Variants in PREX2 observed in about 807,000 individuals in gnomAD.
PREX2 encodes phosphatidylinositol-3,4,5-trisphosphate dependent Rac exchange factor 2.
In PREX2, 107 loss-of-function variants were observed where a neutral mutation model predicts 203.2. The observed-to-expected ratio is 0.53, with a 90% confidence interval of 0.45 to 0.62. The LOEUF (loss-of-function observed/expected upper bound fraction) is 0.62. Ranked by LOEUF, PREX2 falls within the 20% of genes least tolerant of loss-of-function variation. The pLI is 0.00. For missense variants in PREX2, 1,777 were observed against 1,955.9 expected, an observed-to-expected ratio of 0.91 and a Z score of 1.72; for synonymous variants, 672 against 663.6, an observed-to-expected ratio of 1.01 and a Z score of -0.19.
At chr8:68,105,819 A>C in intron 23 of PREX2, 1 of 152,758 alleles carries the variant, frequency 6.5e-6, no homozygotes, top group Non-Finnish European at 1.4e-5. Context: ...TACTTTTTCT[A>C]TGTTCAGATA....
chr8:68,108,296 A>G lies in PREX2; in HGVS notation c.2903A>G (p.Asn968Ser), dbSNP rs377130096. The G allele has an allele frequency of 1.8e-5, 29 of 1,613,730 alleles. No individual in the cohort carries two copies. The African/African-American group carries it at 1.9e-4, about 10-fold the overall frequency. Residue 968 changes from asparagine (N) to serine (S), a missense_variant, in exon 24 of 40, where the codon AAT (asparagine) becomes AGT (serine). Asn to Ser is a conservative substitution (Grantham distance 46). Transcript: ENST00000288368. ...FGVQLDSRKH[N>S]SHDKENKSSE... ...GTTCAGTTGGATAGCAGGAAGCATA[A>G]TTCTCATGATAAAGAAAACAAATCT...
intron 35 of PREX2, among the ~76,000 whole-genome samples, chr8:68,159,693 A>G (rs1811614922): frequency 6.6e-6 from 1 of 152,218 alleles, no homozygotes; most frequent in Non-Finnish European, 1.5e-5. Flanking sequence ...GTCCACATCA[A>G]TTCCTCAAAG....
At chr8:68,119,407 GT>G (rs758312429) in intron 27 of PREX2, 24 bp from the exon 28 acceptor site, 2 of 1,578,270 alleles carry the variant, frequency 1.3e-6, no homozygotes, top group Admixed American at 1.7e-5. Flanking sequence ...TTGGTTTTTG[GT>G]TTTGTTTTTG....
Position 68,069,861 on chromosome 8 carries a change from T to A in PREX2, c.1470T>A (p.His490Gln), listed in dbSNP as rs374391319. The A allele has an allele frequency of 6.4e-7, 1 of 1,557,968 alleles. No homozygotes were observed. ...SKGVRLYCRL[H>Q]SLFTPVIRDK... Reference sequence around the variant, plus strand: ...GTGTAAGATTATATTGTCGTCTTCATAGCCTTTTTACTCCAGTGATAAGGT... The same window carrying A: ...GTGTAAGATTATATTGTCGTCTTCAAAGCCTTTTTACTCCAGTGATAAGGT... Residue 490 changes from histidine (H) to glutamine (Q), a missense_variant, in exon 13 of 40, where the codon CAT (histidine) becomes CAA (glutamine). His to Gln is a conservative substitution (Grantham distance 24). Coordinates refer to ENST00000288368, the MANE Select transcript of PREX2 (RefSeq NM_024870.4).
At chr8:68,105,417 T>A in intron 23 of PREX2, 1 of 1,271,934 alleles carries the variant, frequency 7.9e-7, no homozygotes, top group Non-Finnish European at 1.0e-6. Flanking sequence ...CAGCCCTTCC[T>A]AGCATGTGGG....
At chr8:67,984,635 A>C (rs1259979040) in intron 1 of PREX2, among the ~76,000 whole-genome samples, 1 of 152,218 alleles carries the variant, frequency 6.6e-6, no homozygotes, top group Non-Finnish European at 1.5e-5. Flanking sequence ...GTGGCAATTC[A>C]GTGCCAAAGA....
chr8:68,217,807 C>T, intron 38 of PREX2, 89 bp downstream of exon 38: 1 of 849,532 alleles, frequency 1.2e-6, no homozygotes, highest in Non-Finnish European at 1.7e-6. Context: ...TTGACAGGTG[C>T]CTGGATGTGA....
intron 18 of PREX2, among the ~76,000 whole-genome samples, chr8:68,084,178 C>T (rs1809613444): frequency 6.6e-6 from 1 of 151,944 alleles, no homozygotes; most frequent in African/African-American, 2.4e-5. Flanking sequence ...ATCATATTTA[C>T]CTTGAATTGT....
At chr8:68,163,111 G>A (rs1424225114) in intron 35 of PREX2, among the ~76,000 whole-genome samples, 2 of 152,066 alleles carry the variant, frequency 1.3e-5, no homozygotes, top group African/African-American at 4.8e-5. Context: ...GTACACTTAT[G>A]TACAAGCCAG....
chr8:68,103,056 G>T (rs1473617242), intron 23 of PREX2: 3 of 460,770 alleles, frequency 6.5e-6, no homozygotes, highest in Admixed American at 2.3e-5. Flanking sequence ...TTTGGGTATT[G>T]GGAGTACTTC....
chr8:68,029,392 C>G (rs778136916), intron 5 of PREX2, among the ~76,000 whole-genome samples: 4 of 152,092 alleles, frequency 2.6e-5, no homozygotes, highest in Non-Finnish European at 5.9e-5. Context: ...TCTGGAGAAG[C>G]CTGCATGTCT....
In PREX2 at chr8:68,059,298, T is replaced by TG. The variant is rs565610455; in HGVS notation, c.1239-1381_1239-1380insG. 4.5e-4 allele frequency among the ~76,000 whole-genome samples: 68 copies of TG among 152,138 alleles called. 1 individual carries two copies. In the South Asian group the frequency reaches 0.014, roughly 31 times the overall value. ...TCTTAATGATACCACGTGACCTTTTTTTTTAAATCGCTACATAGCTGAGGC... is the reference window on the plus strand; with the variant it reads ...TCTTAATGATACCACGTGACCTTTTTGTTTTAAATCGCTACATAGCTGAGGC... On this transcript the variant is annotated intron_variant, in intron 10 of 39. Transcript: ENST00000288368.
At chr8:68,034,596 A>G (rs753741608) in intron 6 of PREX2, among the ~76,000 whole-genome samples, 1 of 152,200 alleles carries the variant, frequency 6.6e-6, no homozygotes, top group Non-Finnish European at 1.5e-5. Flanking sequence ...GAGATTCAAG[A>G]TAAGCATTGT....
At chr8:68,196,649 G>A (rs890483854) in intron 37 of PREX2, among the ~76,000 whole-genome samples, 2 of 151,748 alleles carry the variant, frequency 1.3e-5, no homozygotes, top group African/African-American at 4.8e-5. Context: ...GGATCGTGGG[G>A]GTGGATCCTC....
intron 31 of PREX2, among the ~76,000 whole-genome samples, chr8:68,129,752 T>G: frequency 6.6e-6 from 1 of 152,106 alleles, no homozygotes; most frequent in East Asian, 1.9e-4. Context: ...AAATAGGTGC[T>G]TAAATACTGA....
chr8:68,085,653 T>A (rs1173661373), intron 18 of PREX2, among the ~76,000 whole-genome samples: 3 of 152,200 alleles, frequency 2.0e-5, no homozygotes, highest in Non-Finnish European at 2.9e-5. Flanking sequence ...AATTCTTTTT[T>A]AATAGGGAAT....
chr8:68,105,395 A>G, intron 23 of PREX2: 1 of 1,343,102 alleles, frequency 7.4e-7, no homozygotes, highest in South Asian at 1.2e-5. Context: ...AGGCACCCTT[A>G]GACACAGTAC....
chr8:67,965,667 T>C (rs746920204), intron 1 of PREX2, among the ~76,000 whole-genome samples: 11 of 152,180 alleles, frequency 7.2e-5, no homozygotes, highest in Non-Finnish European at 1.2e-4. Context: ...TTAAAAATGA[T>C]CACTATTCTT....
At chr8:68,181,258 A>AG (rs1445788243) in intron 35 of PREX2, among the ~76,000 whole-genome samples, 3 of 152,130 alleles carry the variant, frequency 2.0e-5, no homozygotes, top group African/African-American at 7.2e-5. Flanking sequence ...ATCAAAAGGA[A>AG]GCTTCAATTA....
Sources: allele counts gnomAD v4.1 joint callset (sites outside exome capture counted in the v4.1 genomes callset), GRCh38; gene constraint gnomAD v4.1.1; transcripts MANE v1.5; gene names NCBI Gene and HGNC (gene_info 2026-07-23, HGNC 2026-07-21).